The following RGS6 variants were observed in gnomAD, a reference collection of about 807,000 sequenced individuals.
The protein encoded by RGS6 is regulator of G-protein signaling 6.
In RGS6, 30 loss-of-function variants were observed where a neutral mutation model predicts 78.5. The observed-to-expected ratio is 0.38, with a 90% CI of 0.29 to 0.52. RGS6 has a LOEUF of 0.52. Ranked by LOEUF, RGS6 falls within the 20% of genes least tolerant of loss-of-function variation. The pLI is 0.85. For missense variants in RGS6, 495 were observed against 609.7 expected (o/e 0.81, Z 1.98); for synonymous variants, 206 against 206.0 (o/e 1.00, Z 0.00).
chr14:72,609,324 G>A, the RGS6 span, among the ~76,000 whole-genome samples: 1 of 152,172 alleles, frequency 6.6e-6, no homozygotes, highest in Non-Finnish European at 1.5e-5. Flanking sequence ...AGGTGGGGTG[G>A]TCCTGGCACG....
chr14:72,248,170 T>G (rs1176486935), intron 2 of RGS6, among the ~76,000 whole-genome samples: 7 of 152,242 alleles, frequency 4.6e-5, no homozygotes. Context: ...TTTTATAACA[T>G]GACCCAGACA....
intron 2 of RGS6, chr14:71,990,392 A>G (rs2094903711): frequency 5.8e-6 from 2 of 346,114 alleles, no homozygotes; most frequent in Non-Finnish European, 1.1e-5. Context: ...GGCAAAATTC[A>G]TGTGTTCTGC....
At chr14:72,560,529 C>T (rs1429718631) in intron 17 of RGS6, among the ~76,000 whole-genome samples, 1 of 152,112 alleles carries the variant, frequency 6.6e-6, no homozygotes, top group Non-Finnish European at 1.5e-5. Context: ...AGGAGAGTCA[C>T]CGCTGGGTGT....
intron 2 of RGS6, among the ~76,000 whole-genome samples, chr14:72,310,190 C>T (rs1048354784): frequency 4.6e-5 from 7 of 152,308 alleles, no homozygotes; most frequent in Middle Eastern, 6.8e-3. Context: ...AGTCGGGGTC[C>T]AGGACTGCTG....
At chr14:72,549,617 T>G (rs2097469455) in intron 17 of RGS6, among the ~76,000 whole-genome samples, 2 of 152,124 alleles carry the variant, frequency 1.3e-5, no homozygotes, top group Admixed American at 6.5e-5. Flanking sequence ...ATCCGAGCAC[T>G]TTGGGAGGCC....
chr14:72,086,808 A>G (rs1182512869), intron 2 of RGS6, among the ~76,000 whole-genome samples: 1 of 152,190 alleles, frequency 6.6e-6, no homozygotes, highest in Non-Finnish European at 1.5e-5. Flanking sequence ...GATCTTGTGA[A>G]CTGGGTTCTA....
intron 2 of RGS6, among the ~76,000 whole-genome samples, chr14:72,050,293 A>G (rs1424067081): frequency 6.6e-6 from 1 of 152,250 alleles, no homozygotes; most frequent in Non-Finnish European, 1.5e-5. Context: ...CTGAATAAAA[A>G]TATTTACCTA....
chr14:72,509,414 A>G (rs1465630054), intron 13 of RGS6, among the ~76,000 whole-genome samples: 1 of 151,354 alleles, frequency 6.6e-6, no homozygotes, highest in African/African-American at 2.4e-5. Context: ...CTTGCTGTCT[A>G]GATTTGATTC....
chr14:72,127,692 C>T (rs1311031201), intron 2 of RGS6, among the ~76,000 whole-genome samples: 1 of 152,096 alleles, frequency 6.6e-6, no homozygotes, highest in East Asian at 1.9e-4. Flanking sequence ...TTAGCATTTA[C>T]CCTGTTCCCT....
intron 2 of RGS6, among the ~76,000 whole-genome samples, chr14:72,015,767 C>G (rs1299277314): frequency 6.6e-6 from 1 of 152,176 alleles, no homozygotes; most frequent in Admixed American, 6.5e-5. Flanking sequence ...ATCCGATTGG[C>G]ACAGAATTGT....
At chr14:72,615,046 C>T in the RGS6 span, among the ~76,000 whole-genome samples, 3 of 150,884 alleles carry the variant, frequency 2.0e-5, no homozygotes, top group East Asian at 2.0e-4. Flanking sequence ...GGAGTGTGAG[C>T]GTGGCTCTGG....
intron 4 of RGS6, among the ~76,000 whole-genome samples, chr14:72,455,033 A>G (rs543743656): frequency 6.6e-6 from 1 of 152,302 alleles, no homozygotes; most frequent in South Asian, 2.1e-4. Context: ...GCGCATTTCA[A>G]TTAGGAAGAC....
chr14:72,218,448 C>T (rs545565304), intron 2 of RGS6, among the ~76,000 whole-genome samples: 2 of 149,386 alleles, frequency 1.3e-5, no homozygotes, highest in East Asian at 2.0e-4. Flanking sequence ...AATTAATATG[C>T]TGTATCAGTA....
At chr14:72,550,134 C>CTT (rs3831611) in intron 17 of RGS6, among the ~76,000 whole-genome samples, 80,375 of 151,968 alleles carry the variant, frequency 0.53, 23,793 homozygotes, top group African/African-American at 0.82. Context: ...TTTTTCCTCT[C>CTT]CATCTTTTGC....
intron 3 of RGS6, among the ~76,000 whole-genome samples, chr14:72,382,259 C>T (rs1009125117): frequency 2.0e-5 from 3 of 151,952 alleles, no homozygotes; most frequent in Non-Finnish European, 4.4e-5. Context: ...AAACAACAAA[C>T]AATGCCATAG....
intron 2 of RGS6, among the ~76,000 whole-genome samples, chr14:72,176,290 AT>A (rs1169071362): frequency 2.0e-5 from 3 of 152,182 alleles, no homozygotes; most frequent in Non-Finnish European, 4.4e-5. Context: ...CCCACCCCTC[AT>A]TGGGGGAGAT....
At chr14:72,530,889 A>G (rs1266638091) in intron 15 of RGS6, among the ~76,000 whole-genome samples, 1 of 152,364 alleles carries the variant, frequency 6.6e-6, no homozygotes, top group Non-Finnish European at 1.5e-5. Context: ...GCAAGTATGG[A>G]GCCAGTAAAC....
intron 2 of RGS6, among the ~76,000 whole-genome samples, chr14:72,065,585 T>G (rs745921584): frequency 6.6e-6 from 1 of 152,152 alleles, no homozygotes; most frequent in Non-Finnish European, 1.5e-5. Context: ...GCCATATTCT[T>G]CTTGTCCTTA....
intron 2 of RGS6, among the ~76,000 whole-genome samples, chr14:72,135,079 A>C (rs918177337): frequency 6.6e-6 from 1 of 152,218 alleles, no homozygotes; most frequent in Non-Finnish European, 1.5e-5. Flanking sequence ...TAACCATCAC[A>C]ATATGCTTCA....
Sources: allele counts gnomAD v4.1 joint callset (sites outside exome capture counted in the v4.1 genomes callset), GRCh38; gene constraint gnomAD v4.1.1; transcripts MANE v1.5; gene names NCBI Gene and HGNC (gene_info 2026-07-23, HGNC 2026-07-21).